The following MAP2K1 variants were observed in gnomAD, a reference collection of about 807,000 sequenced individuals.
MAP2K1 encodes mitogen-activated protein kinase kinase 1, also known as dual specificity mitogen-activated protein kinase kinase 1.
MAP2K1 carries 16 observed loss-of-function variants against 46.3 expected under a neutral mutation model. The ratio of observed to expected loss-of-function variants is 0.35; its 90% CI spans 0.23 to 0.52. The LOEUF (loss-of-function observed/expected upper bound fraction) is 0.52. Among genes scored for constraint, MAP2K1 ranks in the 20% least tolerant of loss-of-function variants. The pLI, the probability that MAP2K1 is intolerant of heterozygous loss-of-function variation, is 0.94. For synonymous variants in MAP2K1, 183 were observed against 185.6 expected, an observed-to-expected ratio of 0.99 and a Z score of 0.11; for missense variants, 263 against 497.1, an observed-to-expected ratio of 0.53 and a Z score of 4.48.
At chr15:66,398,919 CG>C (rs1836434209) in intron 1 of MAP2K1, among the ~76,000 whole-genome samples, 1 of 151,920 alleles carries the variant, frequency 6.6e-6, no homozygotes, top group Admixed American at 6.6e-5. Context: ...ATTACAGGCA[CG>C]TGCTACCATG....
intron 1 of MAP2K1, among the ~76,000 whole-genome samples, chr15:66,395,573 ATTTTT>A (rs58172562): frequency 3.0e-5 from 3 of 98,574 alleles, no homozygotes; most frequent in Non-Finnish European, 2.2e-5. Context: ...TTCTTGCATG[ATTTTT>A]TTTTTTTTTT....
chr15:66,471,562 A>G (rs752068420), intron 5 of MAP2K1, among the ~76,000 whole-genome samples: 2 of 152,212 alleles, frequency 1.3e-5, no homozygotes, highest in African/African-American at 2.4e-5. Flanking sequence ...GGCCTACTTA[A>G]TAATGAAATT....
chr15:66,444,533 C>T (rs1891811188), intron 4 of MAP2K1, 123 bp from the exon 5 acceptor site: 3 of 778,374 alleles, frequency 3.9e-6, no homozygotes, highest in East Asian at 5.4e-5. Context: ...AACTGCGTCT[C>T]AAAGGAGGAA....
At chr15:66,444,579 C>T in intron 4 of MAP2K1, 77 bp from the exon 5 acceptor site, 1 of 1,065,520 alleles carries the variant, frequency 9.4e-7, no homozygotes. Context: ...AAGTATTTTC[C>T]TAGAGTATTT....
intron 5 of MAP2K1, among the ~76,000 whole-genome samples, chr15:66,463,974 T>C (rs1216539814): frequency 6.6e-6 from 1 of 152,198 alleles, no homozygotes; most frequent in East Asian, 1.9e-4. Context: ...GGCAGTCAGA[T>C]ATGCATTTAT....
At chr15:66,392,389 G>C (rs1019799878) in intron 1 of MAP2K1, among the ~76,000 whole-genome samples, 2 of 149,914 alleles carry the variant, frequency 1.3e-5, no homozygotes, top group Non-Finnish European at 3.0e-5. Flanking sequence ...ATGTTGCTCA[G>C]GCTGGTCTTG....
chr15:66,403,510 G>C (rs1337660795), intron 1 of MAP2K1, among the ~76,000 whole-genome samples: 1 of 152,094 alleles, frequency 6.6e-6, no homozygotes, highest in African/African-American at 2.4e-5. Context: ...AAGTCCCCTT[G>C]AAATGGATGC....
chr15:66,398,568 T>C (rs10775187), intron 1 of MAP2K1, among the ~76,000 whole-genome samples: 149,915 of 151,924 alleles, frequency 0.99, 73,993 homozygotes, highest in East Asian at 1. Context: ...AGGAGGATCA[T>C]TTGAGCTTGG....
intron 5 of MAP2K1, among the ~76,000 whole-genome samples, chr15:66,447,924 G>A (rs1469725257): frequency 6.6e-6 from 1 of 151,832 alleles, no homozygotes; most frequent in Non-Finnish European, 1.5e-5. Flanking sequence ...GATGAGGTGG[G>A]CAGATCACCT....
intron 1 of MAP2K1, among the ~76,000 whole-genome samples, chr15:66,419,533 AT>A (rs1465058906): frequency 6.6e-6 from 1 of 151,482 alleles, no homozygotes; most frequent in Non-Finnish European, 1.5e-5. Flanking sequence ...AAAAAAAAAA[AT>A]TTCATATGCG....
intron 5 of MAP2K1, among the ~76,000 whole-genome samples, chr15:66,445,909 A>T (rs1279855560): frequency 6.6e-6 from 1 of 151,332 alleles, no homozygotes; most frequent in Non-Finnish European, 1.5e-5. Context: ...ACTTCTATGT[A>T]TTGACTTCTC....
rs201809886 is a variant in MAP2K1, at chr15:66,487,199, A to C, written c.896-29A>C. The C allele has an allele frequency of 8.0e-5, 127 of 1,596,402 alleles. No individual in the cohort carries two copies. In the Middle Eastern group the frequency reaches 1.5e-3, roughly 19 times the overall value. ...ATTAACAAGTAATCTGTTTCTGAGA[A>C]GTATTTTTTCTTTTTATAAAATTTG... On this transcript the variant is annotated intron_variant, in intron 7 of 10. Transcript: ENST00000307102.
chr15:66,446,093 C>T (rs1012298377), intron 5 of MAP2K1, among the ~76,000 whole-genome samples: 1 of 151,792 alleles, frequency 6.6e-6, no homozygotes, highest in Non-Finnish European at 1.5e-5. Flanking sequence ...GGCGTGGTGG[C>T]GGGTGCTTGT....
chr15:66,434,703 A>G (rs1449533220), intron 1 of MAP2K1, among the ~76,000 whole-genome samples: 1 of 152,220 alleles, frequency 6.6e-6, no homozygotes, highest in Non-Finnish European at 1.5e-5. Flanking sequence ...TTTTAAAGCA[A>G]ATTAAGGTGG....
chr15:66,444,507 T>G lies in MAP2K1; in HGVS notation c.517-149T>G. 7.3e-6 allele frequency: 5 copies of G among 681,118 alleles called. No individual in the cohort carries two copies. The South Asian group carries it at 7.7e-5, about 10-fold the overall frequency. The allele number at this position is 681,118 out of a possible 1,614,324, so 42.2% of individuals were successfully genotyped here. ...GAGATCGCGCCATTGCATTCCAGCC[T>G]GGGCAACAAGAGTGAAACTGCGTCT... On this transcript the variant is annotated intron_variant, in intron 4 of 10. Coordinates refer to ENST00000307102, the MANE Select transcript of MAP2K1 (RefSeq NM_002755.4).
intron 5 of MAP2K1, among the ~76,000 whole-genome samples, chr15:66,454,655 T>C (rs561422582): frequency 2.0e-5 from 3 of 152,094 alleles, no homozygotes; most frequent in South Asian, 2.1e-4. Context: ...GAGGCTGAGG[T>C]GGGCAGATCA....
chr15:66,390,279 C>T (rs1016867646), intron 1 of MAP2K1, among the ~76,000 whole-genome samples: 1 of 152,180 alleles, frequency 6.6e-6, no homozygotes, highest in Non-Finnish European at 1.5e-5. Context: ...TACACATCTT[C>T]ATCTTTCACT....
In MAP2K1 at chr15:66,491,373, A is replaced by G; in HGVS notation, c.*758A>G. 1 of 232,844 alleles carries G rather than the reference A, an allele frequency of 4.3e-6. No individual in the cohort carries two copies. The highest frequency in any genetic ancestry group is 8.5e-6 in the Non-Finnish European group (1 of 117,754). 14.4% of individuals were successfully genotyped at this position (232,844 alleles called of 1,614,324 possible). On this transcript the variant is annotated 3_prime_UTR_variant, in exon 11 of 11. Transcript: ENST00000307102. The stretch of plus-strand genomic sequence containing the variant: ...GTCACAAATTGATCAAGATATTAAA[A>G]TGTCGGATTTATCTTTCCCCATATC...
chr15:66,421,093 T>TACACACACACAC (rs71454561), intron 1 of MAP2K1, among the ~76,000 whole-genome samples: 4 of 128,788 alleles, frequency 3.1e-5, no homozygotes, highest in African/African-American at 1.2e-4. Context: ...TACACACACA[T>TACACACACACAC]ACACACACAC....
Sources: gnomAD v4.1 joint callset for allele counts (sites outside exome capture counted in the v4.1 genomes callset) on GRCh38, gnomAD v4.1.1 for gene constraint, MANE v1.5 for transcripts, NCBI Gene and HGNC (gene_info 2026-07-23, HGNC 2026-07-21) for gene names.